The following ASAP2 variants were observed in gnomAD, a reference collection of about 807,000 sequenced individuals.
ASAP2 encodes the protein ArfGAP with SH3 domain, ankyrin repeat and PH domain 2, also known as arf-GAP with SH3 domain, ANK repeat and PH domain-containing protein 2.
In ASAP2, 45 loss-of-function variants were observed where a neutral mutation model predicts 131.4. That is an observed-to-expected ratio of 0.34 (90% CI 0.27 to 0.44). ASAP2 has a LOEUF of 0.44. Among genes scored for constraint, ASAP2 ranks in the 20% least tolerant of loss-of-function variants. The probability of loss-of-function intolerance (pLI) is 1.00; values close to 1 mark genes in which losing one functional copy is unlikely to be tolerated. For synonymous variants in ASAP2, 510 were observed against 503.0 expected (o/e 1.01, Z -0.19); for missense variants, 1,011 against 1,297.0 (o/e 0.78, Z 3.39).
intron 15 of ASAP2, among the ~76,000 whole-genome samples, chr2:9,359,816 A>G (rs1672969756): frequency 6.6e-6 from 1 of 152,008 alleles, no homozygotes; most frequent in Non-Finnish European, 1.5e-5. Context: ...CAGTCTTTCT[A>G]GGAATTCCTT....
At chr2:9,293,650 A>T (rs932369763) in intron 2 of ASAP2, among the ~76,000 whole-genome samples, 2 of 152,198 alleles carry the variant, frequency 1.3e-5, no homozygotes, top group Non-Finnish European at 2.9e-5. Flanking sequence ...GCAGTGGGTC[A>T]GTCAGTGCCA....
intron 17 of ASAP2, 131 bp from the exon 18 acceptor site, chr2:9,376,777 A>G (rs1161002058): frequency 1.5e-5 from 12 of 781,190 alleles, no homozygotes; most frequent in East Asian, 5.1e-5. Context: ...AAGAGACTCT[A>G]TGTAAGAGAT....
At chr2:9,364,466 C>T (rs759219354) in intron 15 of ASAP2, among the ~76,000 whole-genome samples, 1 of 152,212 alleles carries the variant, frequency 6.6e-6, no homozygotes, top group Non-Finnish European at 1.5e-5. Flanking sequence ...GATTGTGCCA[C>T]TGCTCTCCAG....
At chr2:9,317,815 A>G (rs1391850508) in intron 3 of ASAP2, among the ~76,000 whole-genome samples, 8 of 150,736 alleles carry the variant, frequency 5.3e-5, no homozygotes, top group African/African-American at 1.7e-4. Context: ...CACTCACACA[A>G]TCACACCCTT....
At chr2:9,325,180 ACATAT>A (rs1282667086) in intron 6 of ASAP2, among the ~76,000 whole-genome samples, 1 of 152,240 alleles carries the variant, frequency 6.6e-6, no homozygotes, top group Non-Finnish European at 1.5e-5. Flanking sequence ...TTTTGTAAAC[ACATAT>A]CATGTGTAGT....
chr2:9,211,827 T>A (rs924769423), intron 1 of ASAP2, among the ~76,000 whole-genome samples: 2 of 152,216 alleles, frequency 1.3e-5, no homozygotes, highest in African/African-American at 4.8e-5. Flanking sequence ...TGTGACTTGT[T>A]TGAAAAACAG....
chr2:9,212,883 T>C (rs1187448526), intron 1 of ASAP2, among the ~76,000 whole-genome samples: 1 of 152,196 alleles, frequency 6.6e-6, no homozygotes, highest in Admixed American at 6.5e-5. Context: ...ACGTGAGAGC[T>C]TGCGAAGCAC....
intron 3 of ASAP2, among the ~76,000 whole-genome samples, chr2:9,299,697 C>T (rs1336773976): frequency 6.6e-6 from 1 of 152,170 alleles, no homozygotes; most frequent in African/African-American, 2.4e-5. Flanking sequence ...GGTGGAGGCC[C>T]GGGTTCTGCT....
At chr2:9,225,953 G>A (rs570757213) in intron 1 of ASAP2, among the ~76,000 whole-genome samples, 11 of 152,336 alleles carry the variant, frequency 7.2e-5, no homozygotes, top group Non-Finnish European at 1.2e-4. Flanking sequence ...ATACCAGGCC[G>A]TGGGTTCTGC....
At chr2:9,272,044 T>C (rs1666438376) in intron 1 of ASAP2, among the ~76,000 whole-genome samples, 1 of 152,200 alleles carries the variant, frequency 6.6e-6, no homozygotes, top group South Asian at 2.1e-4. Context: ...CTCTTTAGTA[T>C]ACTGATTTCC....
intron 3 of ASAP2, among the ~76,000 whole-genome samples, chr2:9,309,639 C>T (rs1338138465): frequency 6.6e-6 from 1 of 152,182 alleles, no homozygotes; most frequent in Non-Finnish European, 1.5e-5. Flanking sequence ...TATTGTCTGT[C>T]CGTGACACTT....
At chr2:9,393,362 T>C in intron 23 of ASAP2, 120 bp from the exon 24 acceptor site, 1 of 935,964 alleles carries the variant, frequency 1.1e-6, no homozygotes, top group Non-Finnish European at 1.5e-6. Context: ...TAGCAGCAGG[T>C]TTTTCCTTAG....
intron 15 of ASAP2, among the ~76,000 whole-genome samples, chr2:9,367,749 AAG>A (rs1374524417): frequency 3.3e-5 from 5 of 152,206 alleles, no homozygotes; most frequent in Admixed American, 6.5e-5. Flanking sequence ...GCAACAGAGC[AAG>A]ACACTGTCTC....
intron 1 of ASAP2, among the ~76,000 whole-genome samples, chr2:9,220,628 GTAA>G (rs1572186401): frequency 6.6e-6 from 1 of 152,218 alleles, no homozygotes; most frequent in East Asian, 1.9e-4. Context: ...TAATTTGCAA[GTAA>G]TAATTTCCAT....
Position 9,400,839 on chromosome 2 carries a change from C to T in ASAP2, c.2823+9C>T, listed in dbSNP as rs375420769. The T allele has an allele frequency of 2.6e-4, 424 of 1,611,612 alleles. 3 individuals are homozygous for T. The highest frequency in any genetic ancestry group is 1.2e-3 in the South Asian group (113 of 91,042). On this transcript the variant is annotated intron_variant, in intron 26 of 27. Transcript: ENST00000281419. Reference sequence around the variant, plus strand: ...CTAGGAAGTCGCAGGCAGTAAGTGACGAGCCCCCTTTCCTGCCTCTCTGCT... The same window carrying T: ...CTAGGAAGTCGCAGGCAGTAAGTGATGAGCCCCCTTTCCTGCCTCTCTGCT...
chr2:9,296,835 G>A (rs1219986937), intron 2 of ASAP2, among the ~76,000 whole-genome samples: 1 of 152,176 alleles, frequency 6.6e-6, no homozygotes, highest in East Asian at 1.9e-4. Context: ...AGGCACTGGA[G>A]CTGCAAAGAC....
chr2:9,328,781 G>A (rs1670639086), intron 7 of ASAP2, among the ~76,000 whole-genome samples: 2 of 152,168 alleles, frequency 1.3e-5, no homozygotes, highest in South Asian at 2.1e-4. Context: ...GACCAGAGGC[G>A]AGAGACACAG....
intron 3 of ASAP2, 62 bp downstream of exon 3, chr2:9,297,507 G>C: frequency 6.3e-7 from 1 of 1,584,046 alleles, no homozygotes; most frequent in Admixed American, 1.7e-5. Context: ...CTCAGTAGAG[G>C]ATAGTTATGG....
intron 9 of ASAP2, among the ~76,000 whole-genome samples, chr2:9,338,420 TTG>T (rs551517612): frequency 6.8e-4 from 103 of 152,254 alleles, no homozygotes; most frequent in Non-Finnish European, 1.1e-3. Flanking sequence ...ATAGAACAGT[TTG>T]TGCCACCCAG....
Sources: gnomAD v4.1 joint callset for allele counts (sites outside exome capture counted in the v4.1 genomes callset) on GRCh38, gnomAD v4.1.1 for gene constraint, MANE v1.5 for transcripts, NCBI Gene and HGNC (gene_info 2026-07-23, HGNC 2026-07-21) for gene names.